The following LARGE1 variants were observed in gnomAD, a reference collection of about 807,000 sequenced individuals.
LARGE1 encodes LARGE xylosyl- and glucuronyltransferase 1.
LARGE1 carries 43 observed loss-of-function variants against 87.6 expected under a neutral mutation model. That is an observed-to-expected ratio of 0.49 (90% CI 0.38 to 0.63). LARGE1 has a LOEUF of 0.63. LARGE1 is among the 30% of genes least tolerant of loss of function. LARGE1 has a pLI of 0.00. For missense variants in LARGE1, 802 were observed against 1,000.2 expected, an observed-to-expected ratio of 0.80 and a Z score of 2.67; for synonymous variants, 434 against 394.6, an observed-to-expected ratio of 1.10 and a Z score of -1.18.
At chr22:33,350,143 G>T (rs1940224385) in intron 9 of LARGE1, among the ~76,000 whole-genome samples, 1 of 152,188 alleles carries the variant, frequency 6.6e-6, no homozygotes, top group Non-Finnish European at 1.5e-5. Context: ...ATGAATCCAT[G>T]AGACAATTCA....
At chr22:33,265,701 G>A (rs1376777580) in intron 11 of LARGE1, among the ~76,000 whole-genome samples, 3 of 152,088 alleles carry the variant, frequency 2.0e-5, no homozygotes, top group African/African-American at 7.3e-5. Flanking sequence ...TGGACCCCCA[G>A]CAACTATTTT....
the LARGE1 span, among the ~76,000 whole-genome samples, chr22:33,124,943 C>G: frequency 3.3e-5 from 5 of 152,210 alleles, no homozygotes; most frequent in Non-Finnish European, 7.3e-5. Context: ...GCAAAGCTAT[C>G]GCATAGGCAG....
At chr22:33,428,440 A>C (rs2066955752) in intron 7 of LARGE1, among the ~76,000 whole-genome samples, 2 of 150,758 alleles carry the variant, frequency 1.3e-5, no homozygotes, top group South Asian at 4.2e-4. Context: ...CAGCCTCCCG[A>C]GTAGCTGGGA....
At chr22:33,784,915 G>GTATATACATATA (rs2085553319) in intron 1 of LARGE1, among the ~76,000 whole-genome samples, 1 of 150,664 alleles carries the variant, frequency 6.6e-6, no homozygotes, top group African/African-American at 2.4e-5. Context: ...TTATATGTGT[G>GTATATACATATA]TGTATATACA....
the LARGE1 span, among the ~76,000 whole-genome samples, chr22:33,089,338 T>TCTTCTC: frequency 2.5e-5 from 2 of 80,350 alleles, no homozygotes; most frequent in African/African-American, 6.4e-5. Flanking sequence ...TTCTTCTTCT[T>TCTTCTC]CTTCTTCTTC....
chr22:33,790,802 A>T (rs1280537814), intron 1 of LARGE1, among the ~76,000 whole-genome samples: 1 of 152,202 alleles, frequency 6.6e-6, no homozygotes, highest in East Asian at 1.9e-4. Flanking sequence ...GTTCTACAAA[A>T]TATAAGATAT....
At chr22:33,569,565 G>A (rs947201952) in intron 5 of LARGE1, among the ~76,000 whole-genome samples, 2 of 152,218 alleles carry the variant, frequency 1.3e-5, no homozygotes, top group African/African-American at 4.8e-5. Context: ...GGTGGGGAAA[G>A]AACAAGTGGT....
the LARGE1 span, among the ~76,000 whole-genome samples, chr22:33,086,034 T>C: frequency 1.3e-5 from 2 of 152,224 alleles, no homozygotes; most frequent in Non-Finnish European, 2.9e-5. Flanking sequence ...AACTTTTATA[T>C]GTATATACTG....
chr22:33,661,214 A>G (rs2081112296), intron 2 of LARGE1, among the ~76,000 whole-genome samples: 1 of 131,490 alleles, frequency 7.6e-6, no homozygotes, highest in Non-Finnish European at 1.5e-5. Context: ...AAAAGGTTCT[A>G]TGATTTTTTT....
intron 2 of LARGE1, 50 bp downstream of exon 2, chr22:33,761,321 A>G (rs1451390072): frequency 2.2e-6 from 3 of 1,362,524 alleles, no homozygotes; most frequent in Admixed American, 3.3e-5. Context: ...TATGACAGCT[A>G]ATGTTCCCTT....
rs144013990 is a variant in LARGE1, at chr22:33,184,088, C to CTATATATATATATA, written c.1731-17270_1731-17257dup. ...TAATTTGACTGTGGTAATCAGTACA[C>CTATATATATATATA]TATATATATATATATCATATCTTTA... On this transcript the variant is annotated intron_variant, in intron 11 of 11. Transcript: ENST00000608642. Among the ~76,000 whole-genome samples the CTATATATATATATA allele has an allele frequency of 8.8e-3, 928 of 105,268 alleles. 88 individuals are homozygous for CTATATATATATATA. Among genetic ancestry groups the CTATATATATATATA allele is most frequent in the Middle Eastern group, 0.027 (5 of 188 alleles). 69.1% of individuals were successfully genotyped at this position (105,268 alleles called of 152,430 possible). A position where few individuals can be genotyped will look rare whatever the true frequency, so the allele number is the denominator to read the frequency against.
chr22:33,422,564 C>CAATG (rs2066730009), intron 7 of LARGE1, among the ~76,000 whole-genome samples: 1 of 149,802 alleles, frequency 6.7e-6, no homozygotes, highest in South Asian at 2.1e-4. Flanking sequence ...GGCTGGAGTA[C>CAATG]AATGGCATGA....
chr22:33,591,005 A>T lies in LARGE1; in HGVS notation c.615+13430T>A, dbSNP rs183213412. Among the ~76,000 whole-genome samples the T allele has an allele frequency of 2.4e-3, 363 of 152,240 alleles. 4 individuals are homozygous for T. The highest frequency in any genetic ancestry group is 8.4e-3 in the African/African-American group (349 of 41,546). On this transcript the variant is annotated intron_variant, in intron 5 of 14. Transcript: ENST00000397394. ...ATCACGAGGTCAGGAGTTTGAGATCAGCCGGGCCAATATGGCAAAACCCCG... is the reference window on the plus strand; with the variant it reads ...ATCACGAGGTCAGGAGTTTGAGATCTGCCGGGCCAATATGGCAAAACCCCG...
At chr22:33,896,030 T>C (rs2065135366) in intron 1 of LARGE1, among the ~76,000 whole-genome samples, 1 of 152,188 alleles carries the variant, frequency 6.6e-6, no homozygotes. Context: ...AACACCCACC[T>C]CCAGCACTGT....
chr22:33,481,156 T>C (rs931941602), intron 6 of LARGE1, among the ~76,000 whole-genome samples: 1 of 151,950 alleles, frequency 6.6e-6, no homozygotes, highest in African/African-American at 2.4e-5. Flanking sequence ...TAGTGATTTA[T>C]ACTTCTTCCA....
At chr22:33,124,658 G>A in the LARGE1 span, among the ~76,000 whole-genome samples, 1 of 152,062 alleles carries the variant, frequency 6.6e-6, no homozygotes, top group Non-Finnish European at 1.5e-5. Context: ...TTCACTCCTG[G>A]CTGACTCATC....
chr22:33,922,618 T>TA (rs1417350825), upstream of LARGE1: 1 of 152,278 alleles, frequency 6.6e-6, no homozygotes, highest in African/African-American at 2.4e-5. Context: ...CCTGCTGTCT[T>TA]ACCTCTGCGG....
At chr22:33,186,819 G>GTC (rs140182173) in intron 11 of LARGE1, among the ~76,000 whole-genome samples, 3,573 of 152,202 alleles carry the variant, frequency 0.023, 103 homozygotes, top group African/African-American at 0.077. Context: ...AGTCAATTGT[G>GTC]TCTCTACATG....
chr22:33,907,138 G>GT (rs1340006753), intron 1 of LARGE1, among the ~76,000 whole-genome samples: 2 of 152,118 alleles, frequency 1.3e-5, no homozygotes, highest in Non-Finnish European at 2.9e-5. Flanking sequence ...AGTTCATAAA[G>GT]TTTTGCTAGT....
Sources: gnomAD v4.1 joint callset for allele counts (sites outside exome capture counted in the v4.1 genomes callset) on GRCh38, gnomAD v4.1.1 for gene constraint, MANE v1.5 for transcripts, NCBI Gene and HGNC (gene_info 2026-07-23, HGNC 2026-07-21) for gene names.